DYNLRB1: variants seen among roughly 807,000 people sequenced by gnomAD.
The protein encoded by DYNLRB1 is dynein light chain roadblock-type 1, also known as ROBL/LC7-like 1.
DYNLRB1 carries 6 observed loss-of-function variants against 13.5 expected under a neutral mutation model. The ratio of observed to expected loss-of-function variants is 0.44; its 90% confidence interval spans 0.24 to 0.88. DYNLRB1 has a LOEUF of 0.88. DYNLRB1 is among the 40% of genes least tolerant of loss of function. The probability of loss-of-function intolerance (pLI) is 0.21; values close to 1 mark genes in which losing one functional copy is unlikely to be tolerated. For missense variants in DYNLRB1, 93 were observed against 127.2 expected, an observed-to-expected ratio of 0.73 and a Z score of 1.29; for synonymous variants, 43 against 45.0, an observed-to-expected ratio of 0.96 and a Z score of 0.18.
upstream of DYNLRB1, chr20:34,516,274 C>A: frequency 1.1e-6 from 1 of 950,824 alleles, no homozygotes; most frequent in Non-Finnish European, 1.5e-6. Flanking sequence ...TTTCGCTTTG[C>A]CACAGTGGAA....
intron 2 of DYNLRB1, among the ~76,000 whole-genome samples, chr20:34,531,511 G>GT (rs1038553279): frequency 1.3e-5 from 2 of 152,136 alleles, no homozygotes; most frequent in Non-Finnish European, 2.9e-5. Flanking sequence ...GTTTTCTTTT[G>GT]TTTTTGGAGT....
chr20:34,535,049 C>T, intron 3 of DYNLRB1: 4 of 1,321,108 alleles, frequency 3.0e-6, no homozygotes, highest in Non-Finnish European at 3.9e-6. Context: ...TGTGTGTCTC[C>T]CCTTCCTTGA....
intron 2 of DYNLRB1, among the ~76,000 whole-genome samples, chr20:34,534,013 C>T (rs1000245030): frequency 2.0e-5 from 3 of 151,512 alleles, no homozygotes; most frequent in Admixed American, 1.3e-4. Flanking sequence ...CTGTGGCACG[C>T]GCCTGTAATC....
intron 2 of DYNLRB1, chr20:34,529,743 A>AC (rs1980557246): frequency 8.9e-7 from 1 of 1,124,070 alleles, no homozygotes; most frequent in Non-Finnish European, 1.1e-6. Context: ...AAAAAAAAAA[A>AC]AATGTTGATT....
chr20:34,524,686 G>C (rs1163229524), intron 1 of DYNLRB1, among the ~76,000 whole-genome samples: 2 of 151,988 alleles, frequency 1.3e-5, no homozygotes, highest in Non-Finnish European at 2.9e-5. Context: ...ATTGTACCCA[G>C]GCTCCAGATC....
intron 2 of DYNLRB1, among the ~76,000 whole-genome samples, chr20:34,531,567 C>T (rs990895512): frequency 5.9e-5 from 9 of 152,334 alleles, no homozygotes; most frequent in African/African-American, 2.2e-4. Context: ...ACAGCTCCCG[C>T]TTATATGGAT....
intron 2 of DYNLRB1, 76 bp downstream of exon 2, chr20:34,526,419 T>A (rs1473062644): frequency 3.5e-6 from 5 of 1,444,540 alleles, no homozygotes; most frequent in Non-Finnish European, 4.8e-6. Context: ...GCACTTGCTG[T>A]TCACTAAGCC....
Position 34,536,292 on chromosome 20 carries a change from G to A in DYNLRB1, c.247+1497G>A, listed in dbSNP as rs186945024. 1.8e-4 allele frequency: 175 copies of A among 985,418 alleles called. No individual in the cohort carries two copies. In the African/African-American group the frequency reaches 2.8e-3, roughly 16 times the overall value. 61.0% of individuals were successfully genotyped at this position (985,418 alleles called of 1,614,324 possible). On this transcript the variant is annotated intron_variant, in intron 3 of 3. Coordinates refer to ENST00000357156, the MANE Select transcript of DYNLRB1 (RefSeq NM_014183.4). The stretch of plus-strand genomic sequence containing the variant: ...ACCTGCAAATCCACATCTGTAAAGT[G>A]TCGAGTAGGGGACTGTGCTGTGCTG...
At chr20:34,515,618 TGCACG>T (rs1267772153), upstream of DYNLRB1, among the ~76,000 whole-genome samples, 1 of 124,568 alleles carries the variant, frequency 8.0e-6, no homozygotes, top group Non-Finnish European at 1.7e-5. Flanking sequence ...TCTCCGAGCT[TGCACG>T]GCATCTTACC....
chr20:34,524,380 T>C (rs1055108614), intron 1 of DYNLRB1, among the ~76,000 whole-genome samples: 11 of 152,234 alleles, frequency 7.2e-5, no homozygotes, highest in Non-Finnish European at 1.3e-4. Flanking sequence ...TTAGTGGATG[T>C]TCCATAATCT....
Position 34,534,793 on chromosome 20 carries a change from C to A in DYNLRB1, c.245C>A (p.Pro82Gln). 6.2e-7 allele frequency: 1 copy of A among 1,614,040 alleles called. No homozygotes were observed. Among genetic ancestry groups the A allele is most frequent in the Non-Finnish European group, 8.5e-7 (1 of 1,180,018 alleles). ...AAGAAAAATGAAATTATGGTTGCAC[C>A]AGGTAAGGGGTCTTCTACCTCCCCA... Reference protein sequence around the residue: ...RSKKNEIMVAPDKDYFLIVIQ... With the variant: ...RSKKNEIMVAQDKDYFLIVIQ... The change falls in exon 3 of 4, where the codon CCA (proline) becomes CAA (glutamine). Residue 82 changes from proline to glutamine, a missense_variant and splice_region_variant. Physicochemically the swap from Pro to Gln is moderately conservative, Grantham distance 76. Coordinates refer to ENST00000357156, the MANE Select transcript of DYNLRB1 (RefSeq NM_014183.4).
At chr20:34,540,432 A>C (rs2146659582) in intron 3 of DYNLRB1, 149 bp from the exon 4 acceptor site, 1 of 749,612 alleles carries the variant, frequency 1.3e-6, no homozygotes, top group East Asian at 2.7e-5. Context: ...CCGTTTTCCC[A>C]GCATTTGGAG....
At chr20:34,521,257 C>G (rs1027722258) in intron 1 of DYNLRB1, among the ~76,000 whole-genome samples, 1 of 152,126 alleles carries the variant, frequency 6.6e-6, no homozygotes, top group African/African-American at 2.4e-5. Context: ...AGTGATTCAC[C>G]CACCTCAGTT....
intron 2 of DYNLRB1, among the ~76,000 whole-genome samples, chr20:34,529,057 G>A (rs1980493409): frequency 6.6e-6 from 1 of 152,164 alleles, no homozygotes; most frequent in Non-Finnish European, 1.5e-5. Flanking sequence ...TGCTCCCACA[G>A]GCCAGGATTT....
At chr20:34,536,800 G>T (rs1366661042) in intron 3 of DYNLRB1, among the ~76,000 whole-genome samples, 1 of 151,530 alleles carries the variant, frequency 6.6e-6, no homozygotes, top group Non-Finnish European at 1.5e-5. Context: ...CTCACCCTGT[G>T]CACAGCAGAC....
At chr20:34,524,755 TC>T (rs1237399075) in intron 1 of DYNLRB1, among the ~76,000 whole-genome samples, 1 of 145,422 alleles carries the variant, frequency 6.9e-6, no homozygotes, top group Non-Finnish European at 1.5e-5. Context: ...GGAAATGGAG[TC>T]CCAGTCGCCC....
intron 2 of DYNLRB1, among the ~76,000 whole-genome samples, chr20:34,529,293 G>T (rs1201881564): frequency 6.6e-6 from 1 of 152,252 alleles, no homozygotes; most frequent in African/African-American, 2.4e-5. Context: ...GCTCTAATTT[G>T]TTCAGTGCTC....
At chr20:34,519,382 A>AAT (rs892611211) in intron 1 of DYNLRB1, among the ~76,000 whole-genome samples, 2 of 152,194 alleles carry the variant, frequency 1.3e-5, no homozygotes, top group East Asian at 1.9e-4. Context: ...ATGAAACTGG[A>AAT]ATATATATAT....
Position 34,522,469 on chromosome 20 carries a change from C to CTTTTTTTTTT in DYNLRB1, c.4-3786_4-3777dup, listed in dbSNP as rs771811577. 1.9e-3 allele frequency among the ~76,000 whole-genome samples: 146 copies of CTTTTTTTTTT among 77,204 alleles called. 1 individual carries two copies. Among genetic ancestry groups the CTTTTTTTTTT allele is most frequent in the Non-Finnish European group, 2.2e-3 (92 of 42,330 alleles). The allele number at this position is 77,204 out of a possible 152,430, so 50.6% of individuals were successfully genotyped here. On this transcript the variant is annotated intron_variant, in intron 1 of 3. Coordinates refer to ENST00000357156, the MANE Select transcript of DYNLRB1 (RefSeq NM_014183.4). ...TTTTCTTTCTTTCTTTTTTCTTTTT[C>CTTTTTTTTTT]TTTTTTTTTTTTTTTTTTTTTTGAT...
Sources: allele counts gnomAD v4.1 joint callset (sites outside exome capture counted in the v4.1 genomes callset), GRCh38; gene constraint gnomAD v4.1.1; transcripts MANE v1.5; gene names NCBI Gene and HGNC (gene_info 2026-07-23, HGNC 2026-07-21).